GLYAT: variants seen among roughly 807,000 people sequenced by gnomAD.
GLYAT encodes the protein glycine N-acyltransferase.
GLYAT carries 25 observed loss-of-function variants against 22.8 expected under a neutral mutation model. That is an observed-to-expected ratio of 1.09 (90% CI 0.80 to 1.53). GLYAT has a LOEUF of 1.53. Among genes scored for constraint, GLYAT ranks in the 40% most tolerant of loss-of-function variants. The probability of loss-of-function intolerance (pLI) is 0.00; values close to 1 mark genes in which losing one functional copy is unlikely to be tolerated. For synonymous variants in GLYAT, 140 were observed against 122.7 expected, an observed-to-expected ratio of 1.14 and a Z score of -0.93; for missense variants, 411 against 353.9, an observed-to-expected ratio of 1.16 and a Z score of -1.29.
rs1316079833 is a variant in GLYAT, at chr11:58,709,001, A to G, written c.*765T>C. On this transcript the variant is annotated 3_prime_UTR_variant, in exon 6 of 6. Coordinates refer to ENST00000344743, the MANE Select transcript of GLYAT (RefSeq NM_201648.3). ...GGTGCTCCCACCTTCACCTTTTCAT[A>G]CACTCATTCCTTTCATGCTGTCACC... The G allele has an allele frequency of 2.6e-5, 4 of 152,118 alleles. No individual in the cohort carries two copies. The highest frequency in any genetic ancestry group is 1.3e-4 in the Admixed American group (2 of 15,272). 9.4% of individuals were successfully genotyped at this position (152,118 alleles called of 1,614,324 possible). A position where few individuals can be genotyped will look rare whatever the true frequency, so the allele number is the denominator to read the frequency against.
chr11:58,729,708 T>G (rs576508882), intron 1 of GLYAT, among the ~76,000 whole-genome samples: 1 of 152,192 alleles, frequency 6.6e-6, no homozygotes, highest in African/African-American at 2.4e-5. Flanking sequence ...CATAATATAT[T>G]CTGGACATGA....
At chr11:58,718,441 TG>T (rs1479586896) in intron 2 of GLYAT, among the ~76,000 whole-genome samples, 5 of 152,082 alleles carry the variant, frequency 3.3e-5, no homozygotes, top group African/African-American at 9.7e-5. Flanking sequence ...ATTCCTATTT[TG>T]CTTGATACTC....
Position 58,710,742 on chromosome 11 carries a change from A to G in GLYAT, c.336T>C (p.Asn112=). The stretch of plus-strand genomic sequence containing the variant: ...TGGCTGCAAGATTTTGTATAGCCTC[A>G]TTCAGGCTAGGCTGTGAACCTAGAC... ...LQIQSSQPSL[N]EAIQNLAAIK... The change falls in exon 5 of 6, where the codon AAT becomes AAC. Residue 112 remains asparagine (N), a synonymous_variant. Coordinates refer to ENST00000344743, the MANE Select transcript of GLYAT (RefSeq NM_201648.3). 1 of 1,607,612 alleles carries G rather than the reference A, an allele frequency of 6.2e-7. No individual in the cohort carries two copies. Among genetic ancestry groups the G allele is most frequent in the Non-Finnish European group, 8.5e-7 (1 of 1,174,124 alleles).
At chr11:58,718,277 A>G (rs902898929) in intron 2 of GLYAT, among the ~76,000 whole-genome samples, 13 of 152,110 alleles carry the variant, frequency 8.5e-5, no homozygotes, top group African/African-American at 3.1e-4. Flanking sequence ...TGAGGTAGAG[A>G]GAAACAAACA....
In GLYAT at chr11:58,712,809, G is replaced by T. The variant is rs267603033; in HGVS notation, c.267C>A (p.Phe89Leu). The T allele has an allele frequency of 1.2e-6, 2 of 1,611,990 alleles. No individual in the cohort carries two copies. The highest frequency in any genetic ancestry group is 1.7e-6 in the Non-Finnish European group (2 of 1,178,352). ...AGTTGATGAGTTCTGGTGATCCAAG[G>T]AATTCCTGACAGTTTTGGGGATCTT... is the stretch of plus-strand genomic sequence containing the variant. The part of the protein sequence containing the change: ...YSKDPQNCQE[F>L]LGSPELINWK... Residue 89 changes from phenylalanine (F) to leucine (L), a missense_variant, in exon 4 of 6, where the codon TTC (phenylalanine) becomes TTA (leucine). Physicochemically the swap from Phe to Leu is conservative, Grantham distance 22. Transcript: ENST00000344743.
intron 1 of GLYAT, among the ~76,000 whole-genome samples, chr11:58,726,969 C>T (rs1317022319): frequency 6.6e-6 from 1 of 151,946 alleles, no homozygotes; most frequent in Non-Finnish European, 1.5e-5. Flanking sequence ...GGAAGAATTT[C>T]CCCTCCCCTT....
At chr11:58,713,224 CT>C (rs767852772) in intron 3 of GLYAT, among the ~76,000 whole-genome samples, 3 of 152,042 alleles carry the variant, frequency 2.0e-5, no homozygotes, top group Non-Finnish European at 2.9e-5. Context: ...AACTTATTTC[CT>C]TTATCTAACT....
chr11:58,715,193 T>C, intron 3 of GLYAT, 123 bp downstream of exon 3: 1 of 560,946 alleles, frequency 1.8e-6, no homozygotes, highest in Non-Finnish European at 3.1e-6. Context: ...TTCTTGAGGA[T>C]GGGGACTTGT....
intron 2 of GLYAT, 31 bp downstream of exon 2, chr11:58,724,385 C>T (rs1198332429): frequency 7.9e-7 from 1 of 1,262,284 alleles, no homozygotes. Flanking sequence ...AGTTTGTCTT[C>T]TTTACTCCTC....
At chr11:58,713,036 TA>T (rs1856636165) in intron 3 of GLYAT, 150 bp from the exon 4 acceptor site, 2 of 556,954 alleles carry the variant, frequency 3.6e-6, no homozygotes, top group Admixed American at 3.4e-5. Flanking sequence ...ATAATATTTG[TA>T]AAAAATGTGT....
At position 58,715,426 on chromosome 11, in the gene GLYAT, G is replaced by C. The variant is rs761587677; in HGVS notation, c.82-3C>G. ...ATGTGAAAGACAGTTCCATAAACCTGCAGGATCCCAAGAAATTGACAGGGT... is the reference window on the plus strand; with the variant it reads ...ATGTGAAAGACAGTTCCATAAACCTCCAGGATCCCAAGAAATTGACAGGGT... On this transcript the variant is annotated splice_polypyrimidine_tract_variant and splice_region_variant and intron_variant, in intron 2 of 5. Coordinates refer to ENST00000344743, the MANE Select transcript of GLYAT (RefSeq NM_201648.3). 16 of 1,392,922 alleles carry C rather than the reference G, an allele frequency of 1.1e-5. No individual in the cohort carries two copies. The Admixed American group carries it at 2.8e-4, about 24-fold the overall frequency. 86.3% of individuals were successfully genotyped at this position (1,392,922 alleles called of 1,614,324 possible).
intron 2 of GLYAT, among the ~76,000 whole-genome samples, chr11:58,718,381 C>T (rs780108049): frequency 3.9e-5 from 6 of 151,950 alleles, no homozygotes; most frequent in Non-Finnish European, 8.8e-5. Flanking sequence ...AAAGGATCAG[C>T]AAACATTTTA....
At chr11:58,720,613 T>C (rs1215843535) in intron 2 of GLYAT, among the ~76,000 whole-genome samples, 1 of 151,974 alleles carries the variant, frequency 6.6e-6, no homozygotes, top group East Asian at 1.9e-4. Context: ...AACCTCCTTA[T>C]TGACTGTGGA....
rs1490894862 is a variant in GLYAT at position 58,710,101 on chromosome 11, G to T, written c.556C>A (p.His186Asn). The T allele has an allele frequency of 6.2e-7, 1 of 1,613,942 alleles. No individual in the cohort carries two copies. The highest frequency in any genetic ancestry group is 8.5e-7 in the Non-Finnish European group (1 of 1,179,954). ...THAHLVNKFW[H>N]FGGNERSQRF... ...TGGCTCCTCTCATTACCACCAAAAT[G>T]CCAGAATTTATTCACCAAGTGAGCA... Residue 186 changes from histidine (H) to asparagine (N), a missense_variant, in exon 6 of 6, where the codon CAT becomes AAT. By Grantham distance (68) the His-to-Asn change is moderately conservative. Coordinates refer to ENST00000344743, the MANE Select transcript of GLYAT (RefSeq NM_201648.3).
At chr11:58,710,294 T>A (rs1738946857) in intron 5 of GLYAT, 126 bp from the exon 6 acceptor site, 1 of 1,414,286 alleles carries the variant, frequency 7.1e-7, no homozygotes, top group Non-Finnish European at 9.3e-7. Context: ...GGAATATAGA[T>A]GAGCTTGTGA....
intron 3 of GLYAT, among the ~76,000 whole-genome samples, chr11:58,714,664 A>G (rs955103199): frequency 6.6e-6 from 1 of 151,918 alleles, no homozygotes; most frequent in Non-Finnish European, 1.5e-5. Flanking sequence ...TTTTCATGAG[A>G]TCTGATGGTT....
At chr11:58,713,927 C>A (rs1856647704) in intron 3 of GLYAT, among the ~76,000 whole-genome samples, 1 of 151,906 alleles carries the variant, frequency 6.6e-6, no homozygotes, top group Admixed American at 6.6e-5. Flanking sequence ...TAAATGATTG[C>A]ATATATTTAT....
At chr11:58,718,023 A>G (rs1482530561) in intron 2 of GLYAT, among the ~76,000 whole-genome samples, 2 of 152,024 alleles carry the variant, frequency 1.3e-5, no homozygotes, top group Non-Finnish European at 2.9e-5. Context: ...TTCTTTATTT[A>G]CCACAGTCAG....
intron 1 of GLYAT, among the ~76,000 whole-genome samples, chr11:58,729,616 T>G (rs933601635): frequency 1.3e-5 from 2 of 152,182 alleles, no homozygotes; most frequent in African/African-American, 2.4e-5. Flanking sequence ...ATGCTTGTAT[T>G]AATTGTCTGT....
Sources: gnomAD v4.1 joint callset for allele counts (sites outside exome capture counted in the v4.1 genomes callset) on GRCh38, gnomAD v4.1.1 for gene constraint, MANE v1.5 for transcripts, NCBI Gene and HGNC (gene_info 2026-07-23, HGNC 2026-07-21) for gene names.